The following FAM78A variants were observed in gnomAD, a reference collection of about 807,000 sequenced individuals.
FAM78A encodes the protein family with sequence similarity 78 member A, also known as protein FAM78A.
FAM78A carries 12 observed loss-of-function variants against 22.6 expected under a neutral mutation model. That is an observed-to-expected ratio of 0.53 (90% confidence interval 0.34 to 0.86). FAM78A has a LOEUF of 0.86. Among genes scored for constraint, FAM78A ranks in the 40% least tolerant of loss-of-function variants. The pLI is 0.02. For synonymous variants in FAM78A, 151 were observed against 155.8 expected (o/e 0.97, Z 0.23); for missense variants, 322 against 396.1 (o/e 0.81, Z 1.59).
rs1835468834 is a variant in FAM78A, at chr9:131,275,348, A to G, written c.323+509T>C. The stretch of plus-strand genomic sequence containing the variant: ...GTTTGGAACGGGGAAGCACTCCCCC[A>G]GCTCCTGGCATACACTGGTAAAAGC... On this transcript the variant is annotated intron_variant, in intron 1 of 1. Transcript: ENST00000372271. This position sits in a 1 kb window ranked among gnomAD's most constrained non-coding sequence, Gnocchi z 4.6. Among the ~76,000 whole-genome samples, 3 of 152,382 alleles carry G rather than the reference A, an allele frequency of 2.0e-5. No homozygotes were observed. Among genetic ancestry groups the G allele is most frequent in the East Asian group, 3.9e-4 (2 of 5,186 alleles).
intron 1 of FAM78A, chr9:131,264,355 G>A (rs1169269468): frequency 2.5e-5 from 13 of 517,938 alleles, no homozygotes; most frequent in African/African-American, 1.6e-4. Flanking sequence ...ACTGCGTCAC[G>A]CGGGGCATGG....
intron 1 of FAM78A, among the ~76,000 whole-genome samples, chr9:131,267,403 G>A (rs962447462): frequency 1.2e-4 from 18 of 152,120 alleles, no homozygotes; most frequent in African/African-American, 2.7e-4. Context: ...ATGGTGGTGC[G>A]TCCCTATACT....
chr9:131,260,132 G>A lies in FAM78A; in HGVS notation c.*690C>T, dbSNP rs1011508133. The A allele has an allele frequency of 6.6e-6, 1 of 152,588 alleles. No individual in the cohort carries two copies. The highest frequency in any genetic ancestry group is 6.5e-5 in the Admixed American group (1 of 15,268). 9.5% of individuals were successfully genotyped at this position (152,588 alleles called of 1,614,324 possible). A position where few individuals can be genotyped will look rare whatever the true frequency, so the allele number is the denominator to read the frequency against. ...TGCCAAAAAGAAAGAGTGAGCAGCT[G>A]GTTTCGGGTCTAAATGCCCATCCTC... On this transcript the variant is annotated 3_prime_UTR_variant, in exon 2 of 2. Coordinates refer to ENST00000372271, the MANE Select transcript of FAM78A (RefSeq NM_033387.4). This position sits in a 1 kb window ranked among gnomAD's most constrained non-coding sequence, Gnocchi z 5.4.
chr9:131,262,333 C>CG, intron 1 of FAM78A, among the ~76,000 whole-genome samples: 1 of 149,120 alleles, frequency 6.7e-6, no homozygotes, highest in South Asian at 2.1e-4. Context: ...AAAAAATTAG[C>CG]GGGGTACGGT....
chr9:131,270,123 T>C (rs182532692), intron 1 of FAM78A, among the ~76,000 whole-genome samples: 7 of 150,824 alleles, frequency 4.6e-5, no homozygotes, highest in Admixed American at 4.6e-4. Context: ...GGAGAATCGC[T>C]TGAACCCGGG....
In FAM78A at chr9:131,269,483, A is replaced by AT. The variant is rs111550579; in HGVS notation, c.323+6373dup. On this transcript the variant is annotated intron_variant, in intron 1 of 1. Coordinates refer to ENST00000372271, the MANE Select transcript of FAM78A (RefSeq NM_033387.4). ...CTGGAGTTAACATCCTCACGTGTGC[A>AT]TTTTTTTTTTTTTGAGACAGTCTAG... is the stretch of plus-strand genomic sequence containing the variant. Among the ~76,000 whole-genome samples, 920 of 142,370 alleles carry AT rather than the reference A, an allele frequency of 6.5e-3. 4 individuals are homozygous for AT. Among genetic ancestry groups the AT allele is most frequent in the South Asian group, 0.012 (52 of 4,430 alleles). 93.4% of individuals were successfully genotyped at this position (142,370 alleles called of 152,430 possible). A position where few individuals can be genotyped will look rare whatever the true frequency, so the allele number is the denominator to read the frequency against.
intron 1 of FAM78A, among the ~76,000 whole-genome samples, chr9:131,273,234 C>G (rs995062215): frequency 2.6e-5 from 4 of 152,238 alleles, no homozygotes; most frequent in South Asian, 2.1e-4. Flanking sequence ...AGTTCTCCCC[C>G]TCATGGACGG....
upstream of FAM78A, among the ~76,000 whole-genome samples, chr9:131,276,865 TGTCGCTGCC>T (rs1352215295): frequency 2.7e-5 from 4 of 148,972 alleles, no homozygotes; most frequent in Non-Finnish European, 6.0e-5. The surrounding 1 kb of genome is among the most constrained non-coding windows in gnomAD (Gnocchi z 4.3). Context: ...CCTTCGCCGC[TGTCGCTGCC>T]GGCCGCCGTG....
At chr9:131,276,887 G>A (rs531243698), upstream of FAM78A, among the ~76,000 whole-genome samples, 1 of 149,224 alleles carries the variant, frequency 6.7e-6, no homozygotes, top group African/African-American at 2.4e-5. This position sits in a 1 kb window ranked among gnomAD's most constrained non-coding sequence, Gnocchi z 4.3. Context: ...CCGCCGTGCA[G>A]GGTCCCGGGG....
chr9:131,278,678 G>T (rs1341270213), upstream of FAM78A, among the ~76,000 whole-genome samples: 1 of 152,228 alleles, frequency 6.6e-6, no homozygotes, highest in African/African-American at 2.4e-5. Flanking sequence ...CAGTGCAGGG[G>T]CTCAAAAGGA....
In FAM78A at chr9:131,276,137, T is replaced by C. The variant is rs757993115; in HGVS notation, c.43A>G (p.Arg15Gly). ...CAGCCCATGGCATACAGGAGCGCTC[T>C]GATCTCCAGGGAAGGCCAGCAGTCA... The part of the protein sequence containing the change: ...FCDCWPSLEI[R>G]ALLYAMGCIQ... The change falls in exon 1 of 2, where the codon AGA becomes GGA. Residue 15 changes from arginine to glycine, a missense_variant. Physicochemically the swap from Arg to Gly is moderately radical, Grantham distance 125. Coordinates refer to ENST00000372271, the MANE Select transcript of FAM78A (RefSeq NM_033387.4). The surrounding 1 kb of genome is among the most constrained non-coding windows in gnomAD (Gnocchi z 4.3). 1 of 1,613,458 alleles carries C rather than the reference T, an allele frequency of 6.2e-7. No individual in the cohort carries two copies. The highest frequency in any genetic ancestry group is 8.5e-7 in the Non-Finnish European group (1 of 1,179,916).
rs947280815 is a variant in FAM78A, at chr9:131,265,448, C to T, written c.324-4098G>A. On this transcript the variant is annotated intron_variant, in intron 1 of 1. Transcript: ENST00000372271. The surrounding 1 kb of genome is among the most constrained non-coding windows in gnomAD (Gnocchi z 4.3). ...TTATTTAGTAGAGATGGGGTTTCAC[C>T]GTGTTATTCAGGTTGGTCTCGAACT... Among the ~76,000 whole-genome samples the T allele has an allele frequency of 6.6e-6, 1 of 152,146 alleles. No individual in the cohort carries two copies. The highest frequency in any genetic ancestry group is 6.5e-5 in the Admixed American group (1 of 15,278).
In FAM78A at chr9:131,261,168, G is replaced by C. The variant is rs1159530344; in HGVS notation, c.506C>G (p.Ala169Gly). Reference protein sequence around the residue: ...NDNFYPSVTWAVPVSESNVAK... With the variant: ...NDNFYPSVTWGVPVSESNVAK... ...CACGTTGCTCTCGCTGACGGGCACG[G>C]CCCATGTGACGCTGGGGTAAAAGTT... Residue 169 changes from alanine to glycine, a missense_variant, in exon 2 of 2, where the codon GCC (alanine) becomes GGC (glycine). Ala to Gly is a moderately conservative substitution (Grantham distance 60). Transcript: ENST00000372271. This position sits in a 1 kb window ranked among gnomAD's most constrained non-coding sequence, Gnocchi z 7.1. The C allele has an allele frequency of 5.0e-6, 8 of 1,614,120 alleles. No homozygotes were observed. In the Admixed American group the frequency reaches 1.2e-4, roughly 24 times the overall value.
chr9:131,266,215 C>T (rs12001116), intron 1 of FAM78A, among the ~76,000 whole-genome samples: 11,862 of 152,158 alleles, frequency 0.078, 1,311 homozygotes, highest in African/African-American at 0.25. Flanking sequence ...AGAAGCAGCC[C>T]GAAGGATCTT....
In FAM78A at chr9:131,272,919, T is replaced by C. The variant is rs893376855; in HGVS notation, c.323+2938A>G. Among the ~76,000 whole-genome samples, 4 of 151,910 alleles carry C rather than the reference T, an allele frequency of 2.6e-5. No homozygotes were observed. The highest frequency in any genetic ancestry group is 9.7e-5 in the African/African-American group (4 of 41,332). ...TGCACTCCAGCCTGGGCGACAAGAA[T>C]AAGACTCTGTCTCAAAAATAAATAA... On this transcript the variant is annotated intron_variant, in intron 1 of 1. Coordinates refer to ENST00000372271, the MANE Select transcript of FAM78A (RefSeq NM_033387.4). The surrounding 1 kb of genome is among the most constrained non-coding windows in gnomAD (Gnocchi z 4.1).
upstream of FAM78A, among the ~76,000 whole-genome samples, chr9:131,277,859 G>T (rs1835504582): frequency 6.6e-6 from 1 of 151,222 alleles, no homozygotes; most frequent in Non-Finnish European, 1.5e-5. This position sits in a 1 kb window ranked among gnomAD's most constrained non-coding sequence, Gnocchi z 8.4. Flanking sequence ...CTGCCGCCTG[G>T]CGCGCCCCGC....
upstream of FAM78A, among the ~76,000 whole-genome samples, chr9:131,277,815 C>G (rs1462367982): frequency 1.5e-4 from 23 of 151,182 alleles, no homozygotes; most frequent in Admixed American, 1.5e-3. The surrounding 1 kb of genome is among the most constrained non-coding windows in gnomAD (Gnocchi z 8.4). Flanking sequence ...TCATTGTGAG[C>G]GCGCTGTCGC....
chr9:131,277,988 G>A (rs1399746915), upstream of FAM78A, among the ~76,000 whole-genome samples: 1 of 146,008 alleles, frequency 6.8e-6, no homozygotes, highest in African/African-American at 2.5e-5. This position sits in a 1 kb window ranked among gnomAD's most constrained non-coding sequence, Gnocchi z 8.4. Flanking sequence ...GAGCGCAGCC[G>A]GCGCACGCAG....
upstream of FAM78A, among the ~76,000 whole-genome samples, chr9:131,278,985 G>A (rs1033431646): frequency 2.6e-5 from 4 of 152,234 alleles, no homozygotes; most frequent in African/African-American, 9.6e-5. Context: ...TAACAACCAG[G>A]ACATCTCACA....
Sources: allele counts gnomAD v4.1 joint callset (sites outside exome capture counted in the v4.1 genomes callset), GRCh38; gene constraint gnomAD v4.1.1; non-coding constraint Gnocchi (gnomAD v3.1); transcripts MANE v1.5; gene names NCBI Gene and HGNC (gene_info 2026-07-23, HGNC 2026-07-21).